The following ITPR2 variants were observed in gnomAD, a reference collection of about 807,000 sequenced individuals.
ITPR2 encodes inositol 1,4,5-trisphosphate receptor type 2.
A neutral mutation model predicts 317.1 loss-of-function variants in ITPR2; 207 were observed. The ratio of observed to expected loss-of-function variants is 0.65; its 90% CI spans 0.58 to 0.73. The LOEUF is 0.73. ITPR2 is among the 30% of genes least tolerant of loss of function. The probability of loss-of-function intolerance (pLI) is 0.00; values close to 1 mark genes in which losing one functional copy is unlikely to be tolerated. For missense variants in ITPR2, 2,613 were observed against 3,284.0 expected, an observed-to-expected ratio of 0.80 and a Z score of 4.99; for synonymous variants, 1,156 against 1,149.1, an observed-to-expected ratio of 1.01 and a Z score of -0.12.
At chr12:26,703,445 G>A (rs1948490897) in intron 9 of ITPR2, among the ~76,000 whole-genome samples, 1 of 152,140 alleles carries the variant, frequency 6.6e-6, no homozygotes, top group Non-Finnish European at 1.5e-5. Context: ...ACAGATCAGA[G>A]TTTCTCAACC....
Position 26,439,272 on chromosome 12 carries a change from G to T in ITPR2, c.6498C>A (p.Pro2166=). 1 of 1,610,870 alleles carries T rather than the reference G, an allele frequency of 6.2e-7. No individual in the cohort carries two copies. The highest frequency in any genetic ancestry group is 1.1e-5 in the South Asian group (1 of 90,280). ...RTMEQIVFPV[P]NICEYLTRES... Reference sequence around the variant, plus strand: ...CTCGAGTGAGGTATTCACATATATTGGGGACAGGAAAAACTATTTGTTCCA... The same window carrying T: ...CTCGAGTGAGGTATTCACATATATTTGGGACAGGAAAAACTATTTGTTCCA... Residue 2166 remains proline, a synonymous_variant, in exon 47 of 57, where the codon CCC becomes CCA. Coordinates refer to ENST00000381340, the MANE Select transcript of ITPR2 (RefSeq NM_002223.4).
intron 2 of ITPR2, among the ~76,000 whole-genome samples, chr12:26,779,003 C>A (rs1432855306): frequency 2.6e-5 from 4 of 152,192 alleles, no homozygotes; most frequent in Admixed American, 1.3e-4. Context: ...GTTACTCCAA[C>A]TCATTTATTG....
intron 21 of ITPR2, among the ~76,000 whole-genome samples, chr12:26,651,853 C>T (rs1947263189): frequency 6.6e-6 from 1 of 152,014 alleles, no homozygotes; most frequent in Non-Finnish European, 1.5e-5. Context: ...GTATGTCCAT[C>T]GATGTTTCAG....
chr12:26,725,887 T>A lies in ITPR2; in HGVS notation c.164-122A>T, dbSNP rs554725846. The A allele has an allele frequency of 1.4e-4, 85 of 628,812 alleles. 1 individual carries two copies. The East Asian group carries it at 2.2e-3, about 16-fold the overall frequency. The allele number at this position is 628,812 out of a possible 1,614,324, so 39.0% of individuals were successfully genotyped here. A position where few individuals can be genotyped will look rare whatever the true frequency, so the allele number is the denominator to read the frequency against. On this transcript the variant is annotated intron_variant, in intron 2 of 56. Coordinates refer to ENST00000381340, the MANE Select transcript of ITPR2 (RefSeq NM_002223.4). ...TTATACAGAACAGTTAAAAGTCATA[T>A]AGTCCGTCCTCCAGCCAACTCTCCA...
At chr12:26,818,465 C>T (rs550041434) in intron 1 of ITPR2, among the ~76,000 whole-genome samples, 2 of 152,302 alleles carry the variant, frequency 1.3e-5, no homozygotes, top group South Asian at 2.1e-4. Context: ...GCTCATTCTT[C>T]GCATGGGTTT....
chr12:26,486,348 G>C lies in ITPR2; in HGVS notation c.5567C>G (p.Thr1856Arg). 1.2e-6 allele frequency: 2 copies of C among 1,605,222 alleles called. No individual in the cohort carries two copies. The highest frequency in any genetic ancestry group is 8.5e-7 in the Non-Finnish European group (1 of 1,174,318). Reference sequence around the variant, plus strand: ...TTTCATTCCCTCTTTTAAATGTAGTGTTGAATCTCTTACTGAAAACAAAGC... The same window carrying C: ...TTTCATTCCCTCTTTTAAATGTAGTCTTGAATCTCTTACTGAAAACAAAGC... ...SGPRMRVRDS[T>R]LHLKEGMKGQ... Residue 1856 changes from threonine (T) to arginine (R), a missense_variant, in exon 41 of 57, where the codon ACA (threonine) becomes AGA (arginine). This residue lies in a region of ITPR2 where 926 missense variants were observed against 1,072.8 expected (regional missense o/e 0.86). Coordinates refer to ENST00000381340, the MANE Select transcript of ITPR2 (RefSeq NM_002223.4).
intron 13 of ITPR2, among the ~76,000 whole-genome samples, chr12:26,671,582 C>T (rs1947773262): frequency 6.6e-6 from 1 of 152,096 alleles, no homozygotes; most frequent in African/African-American, 2.4e-5. Context: ...CTGGTACCAG[C>T]CGCTGCAAAA....
chr12:26,419,461 C>T, intron 49 of ITPR2: 3 of 339,648 alleles, frequency 8.8e-6, no homozygotes, highest in Non-Finnish European at 1.6e-5. Flanking sequence ...GCAAAACTTG[C>T]ATCCTTTGCA....
At chr12:26,768,235 A>G (rs1465292307) in intron 2 of ITPR2, among the ~76,000 whole-genome samples, 2 of 134,016 alleles carry the variant, frequency 1.5e-5, no homozygotes, top group African/African-American at 5.4e-5. Flanking sequence ...GGACACAGGA[A>G]GGGGAATATC....
intron 10 of ITPR2, among the ~76,000 whole-genome samples, chr12:26,692,495 A>T (rs1948259772): frequency 6.6e-6 from 1 of 152,202 alleles, no homozygotes; most frequent in Non-Finnish European, 1.5e-5. Context: ...GGTAGCGTTA[A>T]TTCCAAAAAA....
chr12:26,549,114 A>T (rs575833059), intron 37 of ITPR2, among the ~76,000 whole-genome samples: 1 of 152,346 alleles, frequency 6.6e-6, no homozygotes, highest in South Asian at 2.1e-4. Flanking sequence ...ATATTTTAAG[A>T]GAAAGACAAC....
Position 26,475,422 on chromosome 12 carries a change from T to C in ITPR2, c.6220-4A>G. The C allele has an allele frequency of 6.3e-7, 1 of 1,588,934 alleles. No individual in the cohort carries two copies. The highest frequency in any genetic ancestry group is 1.2e-5 in the South Asian group (1 of 86,532). On this transcript the variant is annotated splice_polypyrimidine_tract_variant and splice_region_variant and intron_variant, in intron 44 of 56. Coordinates refer to ENST00000381340, the MANE Select transcript of ITPR2 (RefSeq NM_002223.4). Reference sequence around the variant, plus strand: ...AGGCATTCTTCATCACATCCACCTATCCAAAAAAAAAAAGAATATTGAAAT... The same window carrying C: ...AGGCATTCTTCATCACATCCACCTACCCAAAAAAAAAAAGAATATTGAAAT...
At chr12:26,715,670 G>A in intron 7 of ITPR2, 82 bp downstream of exon 7, 1 of 912,534 alleles carries the variant, frequency 1.1e-6, no homozygotes, top group Non-Finnish European at 1.7e-6. Flanking sequence ...GAACACCAGT[G>A]AATACATAGG....
intron 21 of ITPR2, 139 bp downstream of exon 21, chr12:26,653,837 C>T (rs936835732): frequency 6.5e-6 from 4 of 618,974 alleles, no homozygotes; most frequent in African/African-American, 3.8e-5. Flanking sequence ...TATTATCACT[C>T]AGCCCTGTCA....
chr12:26,659,340 G>A (rs980841161), intron 15 of ITPR2, 55 bp from the exon 16 acceptor site: 8 of 1,429,770 alleles, frequency 5.6e-6, no homozygotes, highest in African/African-American at 2.8e-5. Context: ...CAAATAACAG[G>A]TTCTATTAGG....
chr12:26,623,675 G>A (rs1423084250), intron 24 of ITPR2, among the ~76,000 whole-genome samples: 4 of 152,126 alleles, frequency 2.6e-5, no homozygotes, highest in African/African-American at 7.2e-5. Flanking sequence ...AGGGTCTCAT[G>A]TCAAGTCTGT....
At chr12:26,586,123 AT>A (rs1945520089) in intron 32 of ITPR2, among the ~76,000 whole-genome samples, 1 of 152,198 alleles carries the variant, frequency 6.6e-6, no homozygotes, top group Admixed American at 6.5e-5. Context: ...TACCATAGCT[AT>A]TTAAATTTTG....
At chr12:26,820,769 T>A (rs1321455224) in intron 1 of ITPR2, among the ~76,000 whole-genome samples, 1 of 152,238 alleles carries the variant, frequency 6.6e-6, no homozygotes, top group Non-Finnish European at 1.5e-5. Context: ...ATGGATCATA[T>A]GTCTACAATG....
At chr12:26,429,133 T>C (rs1941141971) in intron 48 of ITPR2, among the ~76,000 whole-genome samples, 1 of 152,240 alleles carries the variant, frequency 6.6e-6, no homozygotes, top group African/African-American at 2.4e-5. Flanking sequence ...TAATGAATTC[T>C]GTATAAACTC....
Sources: gnomAD v4.1 joint callset for allele counts (sites outside exome capture counted in the v4.1 genomes callset) on GRCh38, gnomAD v4.1.1 for gene constraint, gnomAD v4.1.1 regional missense constraint, MANE v1.5 for transcripts, NCBI Gene and HGNC (gene_info 2026-07-23, HGNC 2026-07-21) for gene names.